The following ADAMTS10 variants were observed in gnomAD, a reference collection of about 807,000 sequenced individuals.
ADAMTS10 encodes the protein ADAM metallopeptidase with thrombospondin type 1 motif 10, also known as A disintegrin and metalloproteinase with thrombospondin motifs 10.
ADAMTS10 carries 48 observed loss-of-function variants against 135.9 expected under a neutral mutation model. The observed-to-expected ratio is 0.35, with a 90% CI of 0.28 to 0.45. ADAMTS10 has a LOEUF of 0.45. Among genes scored for constraint, ADAMTS10 ranks in the 20% least tolerant of loss-of-function variants. The pLI, the probability that ADAMTS10 is intolerant of heterozygous loss-of-function variation, is 1.00. For synonymous variants in ADAMTS10, 621 were observed against 647.5 expected (o/e 0.96, Z 0.62); for missense variants, 1,131 against 1,565.2 (o/e 0.72, Z 4.68).
chr19:8,584,914 G>C lies in ADAMTS10; in HGVS notation c.3183C>G (p.Thr1061=). The change falls in exon 25 of 26, where the codon ACC becomes ACG. Residue 1061 remains threonine, a synonymous_variant. Transcript: ENST00000597188. ...ACATACCTTCAGGGCCGTCCCCGGG[G>C]GTTGGGCTGTCGCACTTGGCCTCAC... The part of the protein sequence containing the change: ...QQCEAKCDSP[T]PGDGPEECKD... The C allele has an allele frequency of 6.5e-7, 1 of 1,548,998 alleles. No homozygotes were observed.
At position 8,603,764 on chromosome 19, in the gene ADAMTS10, G is replaced by A. The variant is rs527419015; in HGVS notation, c.556C>T (p.Arg186Cys). Reference protein sequence around the residue: ...PHVVYKRSSLRHPHLDTACGV... With the variant: ...PHVVYKRSSLCHPHLDTACGV... The stretch of plus-strand genomic sequence containing the variant: ...CAGGCTGTGTCCAGGTGGGGGTGAC[G>A]CAGAGAGGAACGCTTGTACACCACA... The change falls in exon 5 of 26, where the codon CGT (arginine) becomes TGT (cysteine). Residue 186 changes from arginine to cysteine, a missense_variant. Physicochemically the swap from Arg to Cys is radical, Grantham distance 180. Around this residue, in one of 3 missense-constraint regions of ADAMTS10, gnomAD observed 306 missense variants for 344.4 expected, o/e 0.89. Transcript: ENST00000597188. The A allele has an allele frequency of 8.7e-6, 14 of 1,614,130 alleles. No individual in the cohort carries two copies. The highest frequency in any genetic ancestry group is 4.5e-5 in the East Asian group (2 of 44,882).
At chr19:8,597,571 G>T (rs2042620056) in intron 6 of ADAMTS10, among the ~76,000 whole-genome samples, 1 of 151,970 alleles carries the variant, frequency 6.6e-6, no homozygotes, top group Admixed American at 6.6e-5. Context: ...TGGGATTACA[G>T]GTGTGAGCCA....
At position 8,605,144 on chromosome 19, in the gene ADAMTS10, G is replaced by A. The variant is rs141630862; in HGVS notation, c.303C>T (p.His101=). The change falls in exon 4 of 26, where the codon CAC becomes CAT. Residue 101 remains histidine (H), a synonymous_variant. Coordinates refer to ENST00000597188, the MANE Select transcript of ADAMTS10 (RefSeq NM_030957.4). This position sits in a 1 kb window ranked among gnomAD's most constrained non-coding sequence, Gnocchi z 7.7. Reference sequence around the variant, plus strand: ...CCCGTGTCCAGTACTCCACGGAGACGTGCCCTGCCAGTAGACGGGAGCTGC... The same window carrying A: ...CCCGTGTCCAGTACTCCACGGAGACATGCCCTGCCAGTAGACGGGAGCTGC... ...LTRSSRLLAG[H]VSVEYWTREG... 7.1e-5 allele frequency: 115 copies of A among 1,613,846 alleles called. No individual in the cohort carries two copies. In the African/African-American group the frequency reaches 1.1e-3, roughly 15 times the overall value.
At position 8,605,201 on chromosome 19, in the gene ADAMTS10, C is replaced by T. The variant is rs782247879; in HGVS notation, c.246G>A (p.Ser82=). 15 of 1,613,888 alleles carry T rather than the reference C, an allele frequency of 9.3e-6. No homozygotes were observed. Among genetic ancestry groups the T allele is most frequent in the African/African-American group, 2.7e-5 (2 of 74,938 alleles). The change falls in exon 4 of 26, where the codon TCG becomes TCA. Residue 82 remains serine (S), a synonymous_variant. Coordinates refer to ENST00000597188, the MANE Select transcript of ADAMTS10 (RefSeq NM_030957.4). This position sits in a 1 kb window ranked among gnomAD's most constrained non-coding sequence, Gnocchi z 7.7. The part of the protein sequence containing the change: ...AESRLFYKVA[S]PSTHFLLNLT... ...GGTTCAGCAGGAAGTGGGTGCTGGG[C>T]GAGGCCACTTTGTAGAAGAGGCGGG...
At chr19:8,606,348 C>T (rs2042721794) in intron 2 of ADAMTS10, among the ~76,000 whole-genome samples, 1 of 152,080 alleles carries the variant, frequency 6.6e-6, no homozygotes, top group African/African-American at 2.4e-5. Flanking sequence ...CAAGCATGAG[C>T]CACTGCACCC....
At chr19:8,589,623 A>G in intron 16 of ADAMTS10, 38 bp from the exon 17 acceptor site, 1 of 1,611,832 alleles carries the variant, frequency 6.2e-7, no homozygotes, top group Non-Finnish European at 8.5e-7. Flanking sequence ...GGGCCAGGCC[A>G]CCCCGGAACT....
Position 8,586,328 on chromosome 19 carries a change from C to A in ADAMTS10, c.2530+16G>T. The A allele has an allele frequency of 6.2e-7, 1 of 1,613,452 alleles. No homozygotes were observed. Among genetic ancestry groups the A allele is most frequent in the Non-Finnish European group, 8.5e-7 (1 of 1,179,870 alleles). On this transcript the variant is annotated intron_variant, in intron 21 of 25. Coordinates refer to ENST00000597188, the MANE Select transcript of ADAMTS10 (RefSeq NM_030957.4). Reference sequence around the variant, plus strand: ...CAGCCCAGGTATCTTGTGCCTTCCCCCACCCCCGGCCTCACCGCCTGCACA... The same window carrying A: ...CAGCCCAGGTATCTTGTGCCTTCCCACACCCCCGGCCTCACCGCCTGCACA...
In ADAMTS10 at chr19:8,601,192, G is replaced by A. The variant is rs782599448; in HGVS notation, c.593-47C>T. ...TTAAGCCCTGCCCTGCTGGTGGGAC[G>A]CAGAGCTGCCTGACAACTGTCTTGT... is the stretch of plus-strand genomic sequence containing the variant. On this transcript the variant is annotated intron_variant, in intron 5 of 25. Coordinates refer to ENST00000597188, the MANE Select transcript of ADAMTS10 (RefSeq NM_030957.4). This position sits in a 1 kb window ranked among gnomAD's most constrained non-coding sequence, Gnocchi z 4.6. The A allele has an allele frequency of 1.3e-5, 20 of 1,591,824 alleles. No homozygotes were observed. The highest frequency in any genetic ancestry group is 2.7e-5 in the African/African-American group (2 of 74,440).
chr19:8,593,131 T>C (rs529117409), intron 12 of ADAMTS10: 3 of 546,264 alleles, frequency 5.5e-6, no homozygotes, highest in Admixed American at 6.2e-5. Flanking sequence ...CCCATCTTAC[T>C]GGGAGAAAAC....
At chr19:8,592,151 C>T (rs1202904616) in intron 13 of ADAMTS10, 48 bp from the exon 14 acceptor site, 27 of 1,612,670 alleles carry the variant, frequency 1.7e-5, no homozygotes, top group Non-Finnish European at 2.0e-5. Flanking sequence ...GGAGGACACT[C>T]GTCGGCCCCA....
In ADAMTS10 at chr19:8,596,884, G is replaced by A. The variant is rs149672898; in HGVS notation, c.1040+103C>T. 3.8e-6 allele frequency: 6 copies of A among 1,569,106 alleles called. No individual in the cohort carries two copies. The highest frequency in any genetic ancestry group is 5.2e-6 in the Non-Finnish European group (6 of 1,156,530). ...CCTCATGGGCAGCCCAAACTTCTCT[G>A]CTCCTCCTGACCCTAGCAGAAGTGA... On this transcript the variant is annotated intron_variant, in intron 8 of 25. Transcript: ENST00000597188. This position sits in a 1 kb window ranked among gnomAD's most constrained non-coding sequence, Gnocchi z 7.2.
At chr19:8,587,060 AT>A (rs2042443171) in intron 18 of ADAMTS10, among the ~76,000 whole-genome samples, 164 bp from the exon 19 acceptor site, 1 of 152,148 alleles carries the variant, frequency 6.6e-6, no homozygotes, top group African/African-American at 2.4e-5. Flanking sequence ...CATTATCCCC[AT>A]TTTAGGGCTG....
At chr19:8,591,504 C>T (rs1186952459) in intron 15 of ADAMTS10, among the ~76,000 whole-genome samples, 1 of 149,100 alleles carries the variant, frequency 6.7e-6, no homozygotes, top group East Asian at 1.9e-4. Flanking sequence ...TGCAGTGGTG[C>T]GATCTCGGCT....
chr19:8,589,174 G>A lies in ADAMTS10; in HGVS notation c.2158+68C>T, dbSNP rs894472618. On this transcript the variant is annotated intron_variant, in intron 18 of 25. Transcript: ENST00000597188. ...AGTTAGTGATCTCAGCTACTGCACT[G>A]GGATCAGTTCCACCTGCAGTCAGCT... is the stretch of plus-strand genomic sequence containing the variant. 4.4e-6 allele frequency: 7 copies of A among 1,605,518 alleles called. No homozygotes were observed. In the African/African-American group the frequency reaches 9.4e-5, roughly 21 times the overall value.
At chr19:8,607,591 C>G (rs2042734538) in intron 2 of ADAMTS10, among the ~76,000 whole-genome samples, 1 of 152,138 alleles carries the variant, frequency 6.6e-6, no homozygotes, top group African/African-American at 2.4e-5. Context: ...CCAGCCAAGT[C>G]TGAGAGTCCA....
chr19:8,604,076 GGTCTTACTCT>G, intron 4 of ADAMTS10, among the ~76,000 whole-genome samples, 192 bp from the exon 5 acceptor site: 1 of 151,026 alleles, frequency 6.6e-6, no homozygotes, highest in Non-Finnish European at 1.5e-5. Flanking sequence ...TTGGAGACAA[GGTCTTACTCT>G]GTCATCCAGG....
rs369019430 is a variant in ADAMTS10 at position 8,589,335 on chromosome 19, C to T, written c.2065G>A (p.Asp689Asn). 21 of 1,612,376 alleles carry T rather than the reference C, an allele frequency of 1.3e-5. No individual in the cohort carries two copies. The highest frequency in any genetic ancestry group is 6.7e-5 in the East Asian group (3 of 44,890). Residue 689 changes from aspartate (D) to asparagine (N), a missense_variant, in exon 18 of 26, where the codon GAC becomes AAC. Asp to Asn is a conservative substitution (Grantham distance 23). Coordinates refer to ENST00000597188, the MANE Select transcript of ADAMTS10 (RefSeq NM_030957.4). ...ACTCGGCACTTGTCCTCCCGCAGGTCGGAGCCCAGGACTCGGTCGCAGCCC... is the reference window on the plus strand; with the variant it reads ...ACTCGGCACTTGTCCTCCCGCAGGTTGGAGCCCAGGACTCGGTCGCAGCCC... ...HVGCDRVLGS[D>N]LREDKCRVCG...
At chr19:8,598,195 C>T (rs1434108749) in intron 6 of ADAMTS10, among the ~76,000 whole-genome samples, 1 of 152,186 alleles carries the variant, frequency 6.6e-6, no homozygotes, top group Non-Finnish European at 1.5e-5. Flanking sequence ...GGTTAGGACA[C>T]AGCTGGTAGG....
Position 8,596,709 on chromosome 19 carries a change from C to T in ADAMTS10, c.1041-124G>A. On this transcript the variant is annotated intron_variant, in intron 8 of 25. Coordinates refer to ENST00000597188, the MANE Select transcript of ADAMTS10 (RefSeq NM_030957.4). The surrounding 1 kb of genome is among the most constrained non-coding windows in gnomAD (Gnocchi z 7.2). ...GGCGCCATCTGCCTCTCACCTGAAGCTGCATACAGGAGTGACTGACCACAT... is the reference window on the plus strand; with the variant it reads ...GGCGCCATCTGCCTCTCACCTGAAGTTGCATACAGGAGTGACTGACCACAT... 1 of 1,255,918 alleles carries T rather than the reference C, an allele frequency of 8.0e-7. No individual in the cohort carries two copies. The highest frequency in any genetic ancestry group is 1.1e-6 in the Non-Finnish European group (1 of 890,660). The allele number at this position is 1,255,918 out of a possible 1,614,324, so 77.8% of individuals were successfully genotyped here. A position where few individuals can be genotyped will look rare whatever the true frequency, so the allele number is the denominator to read the frequency against.
Sources: gnomAD v4.1 joint callset for allele counts (sites outside exome capture counted in the v4.1 genomes callset) on GRCh38, gnomAD v4.1.1 for gene constraint, gnomAD v4.1.1 regional missense constraint, Gnocchi (gnomAD v3.1) non-coding constraint, MANE v1.5 for transcripts, NCBI Gene and HGNC (gene_info 2026-07-23, HGNC 2026-07-21) for gene names.